TTC6: variants seen among roughly 807,000 people sequenced by gnomAD.
TTC6 encodes tetratricopeptide repeat domain 6.
A neutral mutation model predicts 210.4 loss-of-function variants in TTC6; 172 were observed. The ratio of observed to expected loss-of-function variants is 0.82; its 90% CI spans 0.72 to 0.93. The LOEUF (loss-of-function observed/expected upper bound fraction) is 0.93, where lower values mean the gene tolerates loss of function less well. Ranked by LOEUF, TTC6 falls within the 40% of genes least tolerant of loss-of-function variation. The pLI, the probability that TTC6 is intolerant of heterozygous loss-of-function variation, is 0.00. For missense variants in TTC6, 2,414 were observed against 2,318.1 expected (o/e 1.04, Z -0.85); for synonymous variants, 804 against 819.6 (o/e 0.98, Z 0.32).
chr14:37,781,060 G>T (rs1037941445), intron 14 of TTC6, among the ~76,000 whole-genome samples: 6 of 152,102 alleles, frequency 3.9e-5, no homozygotes, highest in African/African-American at 1.4e-4. Flanking sequence ...CCAAGTCTTT[G>T]CTATTTTGAA....
At chr14:37,835,728 G>GT (rs2096196286) in intron 29 of TTC6, among the ~76,000 whole-genome samples, 1 of 152,178 alleles carries the variant, frequency 6.6e-6, no homozygotes, top group South Asian at 2.1e-4. Context: ...TTAGAAAGTG[G>GT]TAAGATCAAC....
chr14:37,824,890 G>C lies in TTC6; in HGVS notation c.4974+933G>C, dbSNP rs571180739. Among the ~76,000 whole-genome samples, 517 of 152,210 alleles carry C rather than the reference G, an allele frequency of 3.4e-3. 3 individuals are homozygous for C. The highest frequency in any genetic ancestry group is 0.013 in the South Asian group (63 of 4,818). ...TGGAATGTTATGGGCAAAGGGAGCA[G>C]GGCATGAGATGAGGCTGGAGTTAAA... On this transcript the variant is annotated intron_variant, in intron 27 of 30. Coordinates refer to ENST00000553443, the Ensembl canonical transcript of TTC6.
intron 26 of TTC6, among the ~76,000 whole-genome samples, chr14:37,819,487 C>T (rs147138447): frequency 2.2e-4 from 34 of 152,272 alleles, no homozygotes; most frequent in African/African-American, 7.7e-4. Context: ...CTGGTTCTCA[C>T]TCTTGTGGTT....
upstream of TTC6, among the ~76,000 whole-genome samples, chr14:37,621,524 G>A (rs1051734025): frequency 6.6e-6 from 1 of 152,138 alleles, no homozygotes; most frequent in Non-Finnish European, 1.5e-5. Flanking sequence ...TGGGAGGATC[G>A]CTTGAGCCCA....
chr14:37,597,661 C>T (rs190464554), intron 1 of TTC6, among the ~76,000 whole-genome samples: 13 of 152,306 alleles, frequency 8.5e-5, no homozygotes, highest in Non-Finnish European at 1.8e-4. Context: ...ATGGACTCTG[C>T]CAGCTTCGGA....
upstream of TTC6, among the ~76,000 whole-genome samples, chr14:37,621,304 C>A (rs1252674399): frequency 6.6e-6 from 1 of 152,102 alleles, no homozygotes; most frequent in Non-Finnish European, 1.5e-5. Context: ...AAATAGCTGG[C>A]TATGAATTAA....
chr14:37,761,360 G>T (rs2095984032), intron 14 of TTC6, among the ~76,000 whole-genome samples: 1 of 151,832 alleles, frequency 6.6e-6, no homozygotes, highest in Admixed American at 6.6e-5. Context: ...AAGATGAACT[G>T]GTACCTCAGT....
chr14:37,774,679 G>A (rs1356195389), intron 14 of TTC6, among the ~76,000 whole-genome samples: 1 of 152,058 alleles, frequency 6.6e-6, no homozygotes, highest in African/African-American at 2.4e-5. Flanking sequence ...TTCATCAAGG[G>A]TGTTGGCCTG....
intron 5 of TTC6, among the ~76,000 whole-genome samples, chr14:37,704,618 T>G (rs2095831879): frequency 6.6e-6 from 1 of 152,062 alleles, no homozygotes; most frequent in Admixed American, 6.6e-5. Context: ...CTTTTTATAT[T>G]AAAATTTTAG....
At chr14:37,806,265 C>T in intron 21 of TTC6, 96 bp from the exon 24 acceptor site, 1 of 1,266,716 alleles carries the variant, frequency 7.9e-7, no homozygotes, top group Non-Finnish European at 1.0e-6. Flanking sequence ...TAGAGTGAAA[C>T]TTTTCAACAA....
At chr14:37,799,993 TAA>T (rs1400589443) in intron 20 of TTC6, among the ~76,000 whole-genome samples, 2 of 152,144 alleles carry the variant, frequency 1.3e-5, no homozygotes, top group Non-Finnish European at 2.9e-5. Flanking sequence ...TTTAAAGCAT[TAA>T]GTTTGTGGCA....
At position 37,598,740 on chromosome 14, in the gene TTC6, G is replaced by A. The variant is rs1027995544; in HGVS notation, c.-235+2732G>A. ...CCTATTTAGCAGGACCGCAGGGTTG[G>A]CAGACAGCAGGGCCTGGGCCGGCGG... On this transcript the variant is annotated intron_variant, in intron 1 of 2. Coordinates refer to the TTC6 transcript ENST00000556845. The surrounding 1 kb of genome is among the most constrained non-coding windows in gnomAD (Gnocchi z 4.9). 1.1e-4 allele frequency among the ~76,000 whole-genome samples: 17 copies of A among 152,324 alleles called. No homozygotes were observed. Among genetic ancestry groups the A allele is most frequent in the South Asian group, 2.1e-4 (1 of 4,830 alleles).
chr14:37,622,895 C>A (rs2095654152), exon 1 of TTC6: 2 of 1,535,016 alleles, frequency 1.3e-6, no homozygotes, highest in Non-Finnish European at 1.7e-6. Flanking sequence ...CCACGTCCAT[C>A]GAAGAGATCA....
At chr14:37,622,966 G>A (rs1428791523) in exon 1 of TTC6, 2 of 1,508,652 alleles carry the variant, frequency 1.3e-6, no homozygotes, top group Non-Finnish European at 1.8e-6. Context: ...GAGCTCATAC[G>A]GAGCGTCCTT....
At chr14:37,798,431 A>G (rs2096097767) in intron 20 of TTC6, among the ~76,000 whole-genome samples, 1 of 151,968 alleles carries the variant, frequency 6.6e-6, no homozygotes. Flanking sequence ...TATAGAAATG[A>G]AACTGATTTT....
chr14:37,652,672 A>G (rs914284498), intron 1 of TTC6, among the ~76,000 whole-genome samples: 1 of 152,154 alleles, frequency 6.6e-6, no homozygotes, highest in Non-Finnish European at 1.5e-5. Context: ...TAGTTACTTC[A>G]TCTTATAAAT....
intron 7 of TTC6, among the ~76,000 whole-genome samples, chr14:37,727,469 AT>A (rs1441293405): frequency 6.6e-6 from 1 of 151,064 alleles, no homozygotes; most frequent in African/African-American, 2.4e-5. Context: ...AATTTTTTGT[AT>A]TTTTAGTAGA....
At chr14:37,803,962 C>T (rs1360033183) in intron 20 of TTC6, among the ~76,000 whole-genome samples, 3 of 152,018 alleles carry the variant, frequency 2.0e-5, no homozygotes, top group African/African-American at 7.3e-5. Flanking sequence ...TAACCAGTAA[C>T]AAGTATTTGT....
intron 20 of TTC6, among the ~76,000 whole-genome samples, chr14:37,801,736 T>G (rs2096107137): frequency 6.6e-6 from 1 of 152,088 alleles, no homozygotes; most frequent in Non-Finnish European, 1.5e-5. Flanking sequence ...CCAGTCAGAA[T>G]GGTGATTATT....
Sources: gnomAD v4.1 joint callset for allele counts (sites outside exome capture counted in the v4.1 genomes callset) on GRCh38, gnomAD v4.1.1 for gene constraint, Gnocchi (gnomAD v3.1) non-coding constraint, MANE v1.5 for transcripts, NCBI Gene and HGNC (gene_info 2026-07-23, HGNC 2026-07-21) for gene names.